The following SRGAP1 variants were observed in gnomAD, a reference collection of about 807,000 sequenced individuals.
SRGAP1 encodes the protein SLIT-ROBO Rho GTPase activating protein 1.
SRGAP1 carries 43 observed loss-of-function variants against 121.9 expected under a neutral mutation model. The observed-to-expected ratio is 0.35, with a 90% confidence interval of 0.28 to 0.46. The LOEUF (loss-of-function observed/expected upper bound fraction) is 0.46. SRGAP1 is among the 20% of genes least tolerant of loss of function. SRGAP1 has a pLI of 1.00. For missense variants in SRGAP1, 1,102 were observed against 1,350.9 expected, an observed-to-expected ratio of 0.82 and a Z score of 2.89; for synonymous variants, 447 against 485.4, an observed-to-expected ratio of 0.92 and a Z score of 1.04.
intron 1 of SRGAP1, among the ~76,000 whole-genome samples, chr12:63,956,212 T>C (rs1362974007): frequency 6.6e-6 from 1 of 152,018 alleles, no homozygotes; most frequent in Non-Finnish European, 1.5e-5. Context: ...TACTGGCTGG[T>C]CTTTAACTTC....
intron 4 of SRGAP1, among the ~76,000 whole-genome samples, chr12:64,039,386 C>G (rs1431043607): frequency 6.6e-6 from 1 of 152,220 alleles, no homozygotes; most frequent in Non-Finnish European, 1.5e-5. Flanking sequence ...ACCCTGCTGG[C>G]AGTCAGCGCA....
At chr12:63,889,184 C>T (rs1178064255) in intron 1 of SRGAP1, among the ~76,000 whole-genome samples, 1 of 152,186 alleles carries the variant, frequency 6.6e-6, no homozygotes, top group Non-Finnish European at 1.5e-5. Context: ...GTTCTCAGGG[C>T]AGGGCCAAGC....
chr12:63,869,019 G>A (rs1410520538), intron 1 of SRGAP1, among the ~76,000 whole-genome samples: 1 of 152,142 alleles, frequency 6.6e-6, no homozygotes, highest in Non-Finnish European at 1.5e-5. Flanking sequence ...AAACTAATAA[G>A]TTATTCCATC....
chr12:64,001,081 T>C (rs762666974), intron 3 of SRGAP1, among the ~76,000 whole-genome samples: 3 of 152,048 alleles, frequency 2.0e-5, no homozygotes, highest in Non-Finnish European at 4.4e-5. Context: ...CACAAACACG[T>C]AGTACTTTCG....
At chr12:64,014,918 G>A (rs568414448) in intron 3 of SRGAP1, among the ~76,000 whole-genome samples, 4 of 152,194 alleles carry the variant, frequency 2.6e-5, no homozygotes, top group South Asian at 2.1e-4. Flanking sequence ...CTGGGTTCAC[G>A]CAGTTCTCAT....
intron 3 of SRGAP1, among the ~76,000 whole-genome samples, chr12:64,010,478 C>T (rs932599600): frequency 6.6e-6 from 1 of 152,082 alleles, no homozygotes; most frequent in Non-Finnish European, 1.5e-5. Context: ...CATAGCACTC[C>T]ATGTAGAAAG....
At position 63,988,054 on chromosome 12, in the gene SRGAP1, C is replaced by T. The variant is rs149103188; in HGVS notation, c.264-1856C>T. ...CATGTGAACCTAGACAGTGCAGCTCCAGAGGCCATGAGCTTGACATGGATA... is the reference window on the plus strand; with the variant it reads ...CATGTGAACCTAGACAGTGCAGCTCTAGAGGCCATGAGCTTGACATGGATA... On this transcript the variant is annotated intron_variant, in intron 2 of 21. Transcript: ENST00000355086. Among the ~76,000 whole-genome samples, 870 of 152,276 alleles carry T rather than the reference C, an allele frequency of 5.7e-3. 7 individuals carry two copies. Among genetic ancestry groups the T allele is most frequent in the African/African-American group, 0.02 (829 of 41,552 alleles).
At chr12:63,952,589 A>T (rs1453513972) in intron 1 of SRGAP1, among the ~76,000 whole-genome samples, 2 of 152,168 alleles carry the variant, frequency 1.3e-5, no homozygotes, top group Non-Finnish European at 2.9e-5. Flanking sequence ...TGATTTCTGG[A>T]TGAGAATCAG....
intron 21 of SRGAP1, among the ~76,000 whole-genome samples, chr12:64,133,382 G>A (rs1033158670): frequency 6.6e-6 from 1 of 152,062 alleles, no homozygotes. Flanking sequence ...GAGAAGTCTG[G>A]GGACCCATTA....
chr12:63,882,446 T>G (rs1900224503), intron 1 of SRGAP1, among the ~76,000 whole-genome samples: 1 of 151,964 alleles, frequency 6.6e-6, no homozygotes, highest in Non-Finnish European at 1.5e-5. Flanking sequence ...CACGCCTGGC[T>G]AAGTTTTTGT....
chr12:63,939,698 GAGA>G (rs989505499), intron 1 of SRGAP1, among the ~76,000 whole-genome samples: 3 of 152,284 alleles, frequency 2.0e-5, no homozygotes, highest in East Asian at 1.9e-4. Context: ...TGTTTCTCAG[GAGA>G]AGAAGAATTA....
intron 1 of SRGAP1, among the ~76,000 whole-genome samples, chr12:63,853,741 A>T (rs1475778311): frequency 6.6e-6 from 1 of 152,218 alleles, no homozygotes; most frequent in Non-Finnish European, 1.5e-5. Flanking sequence ...TATAGTTAGT[A>T]CTTTCTGTGT....
intron 6 of SRGAP1, among the ~76,000 whole-genome samples, chr12:64,058,425 C>T (rs1593086610): frequency 6.6e-6 from 1 of 152,136 alleles, no homozygotes; most frequent in Admixed American, 6.5e-5. Flanking sequence ...CTATTTGCAA[C>T]CCTTTTGCCT....
intron 18 of SRGAP1, among the ~76,000 whole-genome samples, chr12:64,121,944 C>T (rs143750649): frequency 2.0e-5 from 3 of 152,062 alleles, no homozygotes; most frequent in Non-Finnish European, 4.4e-5. Flanking sequence ...CTTTGATTGC[C>T]GAGGTATTGT....
At chr12:64,058,999 G>A (rs901046367) in intron 6 of SRGAP1, among the ~76,000 whole-genome samples, 1 of 152,056 alleles carries the variant, frequency 6.6e-6, no homozygotes, top group East Asian at 1.9e-4. Context: ...AAGCACCATA[G>A]GGGTCAGAGA....
chr12:64,080,116 G>A (rs975929001), intron 9 of SRGAP1, among the ~76,000 whole-genome samples, 170 bp from the exon 10 acceptor site: 1 of 151,684 alleles, frequency 6.6e-6, no homozygotes, highest in Non-Finnish European at 1.5e-5. Context: ...GGTGGCGGGC[G>A]CTTATAATCC....
intron 4 of SRGAP1, among the ~76,000 whole-genome samples, chr12:64,029,893 G>A (rs917089449): frequency 9.3e-5 from 14 of 151,002 alleles, no homozygotes; most frequent in African/African-American, 3.4e-4. Flanking sequence ...GGGCAATAGA[G>A]CAAGACTCCG....
chr12:64,143,221 A>G lies in SRGAP1; in HGVS notation c.*549A>G, dbSNP rs915898460. On this transcript the variant is annotated 3_prime_UTR_variant, in exon 22 of 22. Coordinates refer to ENST00000355086, the MANE Select transcript of SRGAP1 (RefSeq NM_020762.4). ...GATCCCAGTGGGACTGTCAGCCCAC[A>G]GCTCGAGTGGGTTGGATGCTTGCCT... The G allele has an allele frequency of 1.9e-5, 3 of 154,110 alleles. 1 individual carries two copies. Among genetic ancestry groups the G allele is most frequent in the Admixed American group, 1.9e-4 (3 of 15,664 alleles). The allele number at this position is 154,110 out of a possible 1,614,324, so 9.5% of individuals were successfully genotyped here.
intron 6 of SRGAP1, among the ~76,000 whole-genome samples, chr12:64,046,647 C>A (rs1161393578): frequency 2.0e-5 from 3 of 151,918 alleles, no homozygotes; most frequent in Non-Finnish European, 4.4e-5. Flanking sequence ...AGATGGGGGC[C>A]CCAGGGGAGA....
Sources: allele counts gnomAD v4.1 joint callset (sites outside exome capture counted in the v4.1 genomes callset), GRCh38; gene constraint gnomAD v4.1.1; transcripts MANE v1.5; gene names NCBI Gene and HGNC (gene_info 2026-07-23, HGNC 2026-07-21).